ZMYM4: variants seen among roughly 807,000 people sequenced by gnomAD.
ZMYM4 encodes zinc finger MYM-type containing 4.
Under a neutral mutation model 183.2 loss-of-function variants are expected in ZMYM4, and 31 were observed. The observed-to-expected ratio is 0.17, with a 90% CI of 0.13 to 0.23. The LOEUF (loss-of-function observed/expected upper bound fraction) is 0.23. ZMYM4 is among the 10% of genes least tolerant of loss of function. The pLI is 1.00. For missense variants in ZMYM4, 1,273 were observed against 1,840.3 expected (o/e 0.69, Z 5.64); for synonymous variants, 592 against 631.2 (o/e 0.94, Z 0.93).
intron 26 of ZMYM4, among the ~76,000 whole-genome samples, chr1:35,411,592 T>G (rs1639899813): frequency 6.6e-6 from 1 of 152,216 alleles, no homozygotes; most frequent in Admixed American, 6.5e-5. Flanking sequence ...TCCTTTGAAA[T>G]TCTATGTCAA....
chr1:35,340,526 A>G (rs960186318), intron 2 of ZMYM4, among the ~76,000 whole-genome samples: 1 of 151,960 alleles, frequency 6.6e-6, no homozygotes, highest in Non-Finnish European at 1.5e-5. Context: ...AGATGGTCCT[A>G]TCTGGGAGTG....
intron 1 of ZMYM4, among the ~76,000 whole-genome samples, chr1:35,290,527 C>G (rs906360543): frequency 6.6e-6 from 1 of 152,120 alleles, no homozygotes; most frequent in Non-Finnish European, 1.5e-5. Flanking sequence ...CTTTGAACTC[C>G]TGAGCTCAAG....
intron 27 of ZMYM4, among the ~76,000 whole-genome samples, chr1:35,414,793 A>T (rs1394199616): frequency 6.6e-6 from 1 of 152,154 alleles, no homozygotes; most frequent in Admixed American, 6.5e-5. Flanking sequence ...CTGTGGTCCC[A>T]GGTGTGACTT....
rs564477528 is a variant in ZMYM4 at position 35,302,191 on chromosome 1, C to T, written c.40-23169C>T. On this transcript the variant is annotated intron_variant, in intron 1 of 29. Coordinates refer to ENST00000314607, the MANE Select transcript of ZMYM4 (RefSeq NM_005095.3). ...TTTTGTATTATCCACAAGCTAAAAA[C>T]GGCTCTTGCTTTTTTTTTTTTTTTT... 4.6e-5 allele frequency among the ~76,000 whole-genome samples: 6 copies of T among 131,732 alleles called. No homozygotes were observed. In the South Asian group the frequency reaches 7.1e-4, roughly 16 times the overall value. The allele number at this position is 131,732 out of a possible 152,430, so 86.4% of individuals were successfully genotyped here.
At chr1:35,347,266 C>CA (rs1355492107) in intron 2 of ZMYM4, among the ~76,000 whole-genome samples, 3 of 152,202 alleles carry the variant, frequency 2.0e-5, no homozygotes, top group African/African-American at 7.2e-5. Context: ...CTCGGCCTCC[C>CA]AAAGTGCTGG....
rs1238362330 is a variant in ZMYM4 at position 35,307,869 on chromosome 1, C to T, written c.40-17491C>T. On this transcript the variant is annotated intron_variant, in intron 1 of 29. Transcript: ENST00000314607. ...TTTGAGACGAAGTCTTACTTCTGTCCCCCAGGCTGGAGTGCAATGGTGCAA... is the reference window on the plus strand; with the variant it reads ...TTTGAGACGAAGTCTTACTTCTGTCTCCCAGGCTGGAGTGCAATGGTGCAA... Among the ~76,000 whole-genome samples the T allele has an allele frequency of 2.1e-5, 3 of 145,610 alleles. No individual in the cohort carries two copies. In the East Asian group the frequency reaches 6.4e-4, roughly 31 times the overall value.
chr1:35,315,312 C>CAATTTTATACAA (rs1641996117), intron 1 of ZMYM4, among the ~76,000 whole-genome samples: 1 of 151,956 alleles, frequency 6.6e-6, no homozygotes, highest in Non-Finnish European at 1.5e-5. Context: ...AATTCAGTTG[C>CAATTTTATACAA]TTTATTTTAT....
intron 1 of ZMYM4, among the ~76,000 whole-genome samples, chr1:35,312,888 C>A (rs541008282): frequency 1.3e-5 from 2 of 152,032 alleles, no homozygotes; most frequent in Non-Finnish European, 2.9e-5. Context: ...TGGCTAATTT[C>A]TTTTATTATT....
chr1:35,289,148 T>C (rs1425344315), intron 1 of ZMYM4, among the ~76,000 whole-genome samples: 1 of 152,186 alleles, frequency 6.6e-6, no homozygotes, highest in Non-Finnish European at 1.5e-5. Flanking sequence ...GTGATTGCAG[T>C]AGGAAGAATA....
chr1:35,369,930 C>T (rs1644167144), intron 5 of ZMYM4, 99 bp from the exon 6 acceptor site: 11 of 709,674 alleles, frequency 1.6e-5, no homozygotes, highest in South Asian at 2.4e-5. Flanking sequence ...AAACATTTTC[C>T]ACCTCTATAT....
At chr1:35,352,663 G>T (rs1558060333) in intron 2 of ZMYM4, among the ~76,000 whole-genome samples, 1 of 152,092 alleles carries the variant, frequency 6.6e-6, no homozygotes, top group Non-Finnish European at 1.5e-5. Context: ...ATTCATTATG[G>T]TTCAGGCACT....
intron 1 of ZMYM4, among the ~76,000 whole-genome samples, chr1:35,282,122 A>G (rs1358289646): frequency 1.3e-5 from 2 of 152,224 alleles, no homozygotes; most frequent in African/African-American, 4.8e-5. Flanking sequence ...TATTTGTTTG[A>G]GTCCTTGCTT....
chr1:35,377,334 G>A (rs114291512), intron 7 of ZMYM4, among the ~76,000 whole-genome samples: 1 of 152,052 alleles, frequency 6.6e-6, no homozygotes, highest in African/African-American at 2.4e-5. Flanking sequence ...AAAATAACAG[G>A]AAATGCAAAA....
At chr1:35,403,046 C>T (rs1195355956) in intron 23 of ZMYM4, among the ~76,000 whole-genome samples, 2 of 152,154 alleles carry the variant, frequency 1.3e-5, no homozygotes, top group African/African-American at 4.8e-5. Flanking sequence ...TCCCCTTCTC[C>T]TTTTAATTTG....
At chr1:35,407,428 C>CAA (rs548295593) in intron 25 of ZMYM4, among the ~76,000 whole-genome samples, 1 of 77,534 alleles carries the variant, frequency 1.3e-5, no homozygotes, top group Non-Finnish European at 2.8e-5. Context: ...AATTCCATCT[C>CAA]AAAAAAAAAA....
chr1:35,339,715 A>T (rs1440351954), intron 2 of ZMYM4, among the ~76,000 whole-genome samples: 2 of 152,080 alleles, frequency 1.3e-5, no homozygotes, highest in African/African-American at 4.8e-5. Context: ...TATTTCCTAA[A>T]ATCTTTATTG....
chr1:35,328,167 A>T (rs976898477), intron 2 of ZMYM4, among the ~76,000 whole-genome samples: 1 of 151,482 alleles, frequency 6.6e-6, no homozygotes, highest in Non-Finnish European at 1.5e-5. Context: ...GGGCTACTGT[A>T]CTTGGAGTTC....
At chr1:35,278,812 A>T (rs937330372) in intron 1 of ZMYM4, among the ~76,000 whole-genome samples, 1 of 152,198 alleles carries the variant, frequency 6.6e-6, no homozygotes, top group African/African-American at 2.4e-5. Flanking sequence ...ATTAGGTAAG[A>T]GTATGGACTC....
chr1:35,375,582 A>G (rs982951817), intron 7 of ZMYM4, among the ~76,000 whole-genome samples: 3 of 152,230 alleles, frequency 2.0e-5, no homozygotes, highest in African/African-American at 7.2e-5. Context: ...AACTACTGCT[A>G]CTGTTGTATA....
Sources: gnomAD v4.1 joint callset for allele counts (sites outside exome capture counted in the v4.1 genomes callset) on GRCh38, gnomAD v4.1.1 for gene constraint, MANE v1.5 for transcripts, NCBI Gene and HGNC (gene_info 2026-07-23, HGNC 2026-07-21) for gene names.